The following SEMA3E variants were observed in gnomAD, a reference collection of about 807,000 sequenced individuals.
The protein encoded by SEMA3E is semaphorin 3E, also known as semaphorin-3E.
In SEMA3E, 49 loss-of-function variants were observed where a neutral mutation model predicts 93.6. The ratio of observed to expected loss-of-function variants is 0.52; its 90% CI spans 0.42 to 0.66. SEMA3E has a LOEUF of 0.66. SEMA3E is among the 30% of genes least tolerant of loss of function. The pLI is 0.00. For missense variants in SEMA3E, 906 were observed against 964.8 expected, an observed-to-expected ratio of 0.94 and a Z score of 0.81; for synonymous variants, 363 against 330.7, an observed-to-expected ratio of 1.10 and a Z score of -1.06.
At chr7:83,454,276 T>A (rs200753113) in intron 4 of SEMA3E, among the ~76,000 whole-genome samples, 42,096 of 87,314 alleles carry the variant, frequency 0.48, 10,615 homozygotes, top group East Asian at 0.68. Context: ...AAAAAAAATA[T>A]ATATATATAT....
chr7:83,512,639 T>G (rs1790848049), intron 1 of SEMA3E, among the ~76,000 whole-genome samples: 1 of 152,172 alleles, frequency 6.6e-6, no homozygotes, highest in Non-Finnish European at 1.5e-5. Flanking sequence ...AAGCCTAAAA[T>G]ACGTCAAGTT....
intron 1 of SEMA3E, among the ~76,000 whole-genome samples, chr7:83,608,040 G>A (rs138067120): frequency 2.3e-4 from 35 of 151,940 alleles, no homozygotes; most frequent in Non-Finnish European, 3.2e-4. Context: ...GTGAAACCGC[G>A]TCTCTACTAA....
In SEMA3E at chr7:83,490,161, G is replaced by T; in HGVS notation, c.229C>A (p.Leu77Ile). The T allele has an allele frequency of 6.2e-7, 1 of 1,612,904 alleles. No homozygotes were observed. The highest frequency in any genetic ancestry group is 8.5e-7 in the Non-Finnish European group (1 of 1,179,390). The change falls in exon 2 of 17, where the codon CTT becomes ATT. Residue 77 changes from leucine (L) to isoleucine (I), a missense_variant. Transcript: ENST00000643230. The stretch of plus-strand genomic sequence containing the variant: ...CTCTCCAAGCTGAGGGAATATACAA[G>T]GTCCCTGCCTCCCACGAAGAGCCTC... ...QERLFVGGRD[L>I]VYSLSLERIS... is the part of the protein sequence containing the mutation.
At chr7:83,531,396 G>C (rs1336477590) in intron 1 of SEMA3E, among the ~76,000 whole-genome samples, 1 of 143,546 alleles carries the variant, frequency 7.0e-6, no homozygotes, top group Non-Finnish European at 1.5e-5. Context: ...ACCCAGGCTG[G>C]AGTGCAGTGA....
chr7:83,593,075 C>A lies in SEMA3E; in HGVS notation c.115+55353G>T, dbSNP rs77645168. 4.8e-3 allele frequency among the ~76,000 whole-genome samples: 733 copies of A among 152,158 alleles called. 24 individuals are homozygous for A. The highest frequency in any genetic ancestry group is 0.039 in the Admixed American group (596 of 15,252). The stretch of plus-strand genomic sequence containing the variant: ...TTAAGCAATCCTCTCACCTCAGCCT[C>A]CAAAAATGCTTGGATTACAAGTGGG... On this transcript the variant is annotated intron_variant, in intron 1 of 16. Coordinates refer to ENST00000643230, the MANE Select transcript of SEMA3E (RefSeq NM_012431.3).
At chr7:83,476,795 A>G (rs774563913) in intron 2 of SEMA3E, among the ~76,000 whole-genome samples, 15 of 152,196 alleles carry the variant, frequency 9.9e-5, no homozygotes, top group Non-Finnish European at 2.1e-4. Flanking sequence ...GTTCTGCACA[A>G]AACATTTTTA....
chr7:83,502,782 T>G (rs759541511), intron 1 of SEMA3E, among the ~76,000 whole-genome samples: 3 of 152,190 alleles, frequency 2.0e-5, no homozygotes, highest in Non-Finnish European at 4.4e-5. Flanking sequence ...CATAAGAAAT[T>G]GTAAGCCTTT....
chr7:83,522,418 C>T (rs1343141649), intron 1 of SEMA3E, among the ~76,000 whole-genome samples: 1 of 151,978 alleles, frequency 6.6e-6, no homozygotes, highest in Non-Finnish European at 1.5e-5. Flanking sequence ...TATAAAAGCC[C>T]AGGTCCCTCG....
At chr7:83,623,030 A>C (rs1296836121) in intron 1 of SEMA3E, among the ~76,000 whole-genome samples, 1 of 152,156 alleles carries the variant, frequency 6.6e-6, no homozygotes, top group Non-Finnish European at 1.5e-5. Flanking sequence ...TTTAAAGTGC[A>C]TTGATGTCAG....
chr7:83,389,978 T>C, intron 14 of SEMA3E, among the ~76,000 whole-genome samples: 2 of 114,918 alleles, frequency 1.7e-5, no homozygotes, highest in Non-Finnish European at 3.9e-5. Context: ...TATACACATA[T>C]ATACGCGTAT....
At chr7:83,598,390 C>A (rs758899469) in intron 1 of SEMA3E, among the ~76,000 whole-genome samples, 2 of 152,132 alleles carry the variant, frequency 1.3e-5, no homozygotes, top group African/African-American at 2.4e-5. Context: ...CCATTTTATT[C>A]TGTCGGTCAA....
intron 2 of SEMA3E, among the ~76,000 whole-genome samples, chr7:83,489,838 G>A (rs1336387697): frequency 6.6e-6 from 1 of 152,090 alleles, no homozygotes; most frequent in East Asian, 1.9e-4. Context: ...CAGGACATTG[G>A]GTGTGGTGAC....
intron 4 of SEMA3E, among the ~76,000 whole-genome samples, chr7:83,450,034 G>T (rs1347999956): frequency 6.6e-6 from 1 of 152,106 alleles, no homozygotes; most frequent in African/African-American, 2.4e-5. Flanking sequence ...CATATAAAAG[G>T]CACACAATTT....
In SEMA3E at chr7:83,367,940, C is replaced by T. The variant is rs758760809; in HGVS notation, c.1974G>A (p.Glu658=). ...TACGGACCGTATGGACAAAGCTATG[C>T]TCTACTGTCTGGCAAAAATAGGTCC... The part of the protein sequence containing the change: ...DAGTYFCQTV[E]HSFVHTVRKI... The change falls in exon 17 of 17, where the codon GAG becomes GAA. Residue 658 remains glutamate, a synonymous_variant. Coordinates refer to ENST00000643230, the MANE Select transcript of SEMA3E (RefSeq NM_012431.3). 1 of 1,613,208 alleles carries T rather than the reference C, an allele frequency of 6.2e-7. No homozygotes were observed. Among genetic ancestry groups the T allele is most frequent in the East Asian group, 2.2e-5 (1 of 44,858 alleles).
At chr7:83,591,402 C>T (rs1792755220) in intron 1 of SEMA3E, among the ~76,000 whole-genome samples, 1 of 151,218 alleles carries the variant, frequency 6.6e-6, no homozygotes, top group South Asian at 2.1e-4. Context: ...GTTCCAACTC[C>T]AAGTTTGAAT....
At chr7:83,634,014 G>A (rs1051712310) in intron 1 of SEMA3E, among the ~76,000 whole-genome samples, 6 of 152,128 alleles carry the variant, frequency 3.9e-5, no homozygotes, top group African/African-American at 1.4e-4. Flanking sequence ...CACATTAACA[G>A]TATTCTAGAC....
chr7:83,394,225 C>T, intron 13 of SEMA3E, 72 bp downstream of exon 13: 3 of 1,492,232 alleles, frequency 2.0e-6, no homozygotes, highest in Non-Finnish European at 2.8e-6. Flanking sequence ...CTAATGTTCT[C>T]ATATCCTTTG....
At chr7:83,520,931 C>A (rs1791031559) in intron 1 of SEMA3E, among the ~76,000 whole-genome samples, 1 of 152,180 alleles carries the variant, frequency 6.6e-6, no homozygotes, top group Non-Finnish European at 1.5e-5. Context: ...GCTCTGTTTA[C>A]TTCTCTACAC....
chr7:83,599,722 C>G (rs1217946769), intron 1 of SEMA3E, among the ~76,000 whole-genome samples: 1 of 152,030 alleles, frequency 6.6e-6, no homozygotes, highest in Admixed American at 6.6e-5. Context: ...AATAAACAAG[C>G]CTTTGTTTAA....
Sources: gnomAD v4.1 joint callset for allele counts (sites outside exome capture counted in the v4.1 genomes callset) on GRCh38, gnomAD v4.1.1 for gene constraint, MANE v1.5 for transcripts, NCBI Gene and HGNC (gene_info 2026-07-23, HGNC 2026-07-21) for gene names.